The following NR6A1 variants were observed in gnomAD, a reference collection of about 807,000 sequenced individuals.
The protein encoded by NR6A1 is nuclear receptor subfamily 6 group A member 1, also known as retinoic acid receptor-related testis-associated receptor.
In NR6A1, 7 loss-of-function variants were observed where a neutral mutation model predicts 59.1. That is an observed-to-expected ratio of 0.12 (90% CI 0.07 to 0.22). The LOEUF (loss-of-function observed/expected upper bound fraction) is 0.22. NR6A1 is among the 10% of genes least tolerant of loss of function. The pLI is 1.00. For missense variants in NR6A1, 468 were observed against 611.6 expected, an observed-to-expected ratio of 0.77 and a Z score of 2.48; for synonymous variants, 243 against 236.1, an observed-to-expected ratio of 1.03 and a Z score of -0.27.
chr9:124,601,174 G>A (rs778777122), intron 2 of NR6A1, among the ~76,000 whole-genome samples: 1 of 152,138 alleles, frequency 6.6e-6, no homozygotes, highest in African/African-American at 2.4e-5. Flanking sequence ...TACTTGGGAG[G>A]CTGAGGCAGG....
intron 2 of NR6A1, among the ~76,000 whole-genome samples, chr9:124,695,329 ACCTAC>A (rs1467637158): frequency 6.6e-6 from 1 of 152,012 alleles, no homozygotes; most frequent in Non-Finnish European, 1.5e-5. Context: ...AAAAACTAAA[ACCTAC>A]CCAAAGAAAT....
chr9:124,609,927 T>A (rs531364452), intron 2 of NR6A1, among the ~76,000 whole-genome samples: 22 of 152,334 alleles, frequency 1.4e-4, no homozygotes, highest in Admixed American at 1.4e-3. Context: ...TGTTGGTGTA[T>A]AGGAATGCTT....
chr9:124,593,240 A>G lies in NR6A1; in HGVS notation c.143-38670T>C, dbSNP rs77181222. On this transcript the variant is annotated intron_variant, in intron 2 of 9. Transcript: ENST00000487099. ...TTAAATTATCTCAAAATAACACACT[A>G]GGAACATCTGTTTAGCTCAGTTGAA... 6.4e-4 allele frequency among the ~76,000 whole-genome samples: 97 copies of G among 152,320 alleles called. 1 individual carries two copies. In the East Asian group the frequency reaches 0.018, roughly 28 times the overall value.
At chr9:124,639,327 G>A (rs925846525) in intron 2 of NR6A1, among the ~76,000 whole-genome samples, 1 of 152,164 alleles carries the variant, frequency 6.6e-6, no homozygotes, top group Non-Finnish European at 1.5e-5. Flanking sequence ...GGTCACTAAC[G>A]TTTACTGAGC....
chr9:124,562,094 GTCATGTCTTAAATTTGGTGCT>G lies in NR6A1; in HGVS notation c.143-7545_143-7525del, dbSNP rs1834100389. Reference sequence around the variant, plus strand: ...GACAAAGAAACAATTGGCATATAAAGTCATGTCTTAAATTTGGTGCTGGAAAACTCCTCTCCAACTTGGGTT... The same window carrying G: ...GACAAAGAAACAATTGGCATATAAAGGGAAAACTCCTCTCCAACTTGGGTT... On this transcript the variant is annotated intron_variant, in intron 2 of 9. Transcript: ENST00000487099. Among the ~76,000 whole-genome samples the G allele has an allele frequency of 2.0e-5, 3 of 152,296 alleles. 1 individual carries two copies. The South Asian group carries it at 6.2e-4, about 32-fold the overall frequency.
At chr9:124,598,659 A>AC (rs1269887128) in intron 2 of NR6A1, 20 of 394,058 alleles carry the variant, frequency 5.1e-5, no homozygotes, top group African/African-American at 3.2e-4. Flanking sequence ...AAAAAAAAAA[A>AC]AAAAAAAAAA....
intron 7 of NR6A1, among the ~76,000 whole-genome samples, chr9:124,532,204 C>A (rs753055462): frequency 6.6e-6 from 1 of 152,190 alleles, no homozygotes; most frequent in African/African-American, 2.4e-5. Context: ...CACAAAATTG[C>A]TTTTGATTCC....
intron 1 of NR6A1, among the ~76,000 whole-genome samples, chr9:124,764,156 C>A (rs1840860090): frequency 6.6e-6 from 1 of 151,376 alleles, no homozygotes; most frequent in African/African-American, 2.4e-5. Context: ...TGCACTCCAG[C>A]CTGGGCAACA....
At chr9:124,585,398 G>A (rs1353893109) in intron 2 of NR6A1, among the ~76,000 whole-genome samples, 3 of 152,024 alleles carry the variant, frequency 2.0e-5, no homozygotes, top group African/African-American at 7.2e-5. Context: ...AACAAAATTA[G>A]CCAGGTATGG....
intron 1 of NR6A1, among the ~76,000 whole-genome samples, chr9:124,749,044 C>T (rs1840421545): frequency 6.6e-6 from 1 of 152,142 alleles, no homozygotes; most frequent in African/African-American, 2.4e-5. Flanking sequence ...GGGCGGATCA[C>T]CTGAAGTAGG....
At chr9:124,713,260 G>A (rs979027201) in intron 2 of NR6A1, among the ~76,000 whole-genome samples, 1 of 151,156 alleles carries the variant, frequency 6.6e-6, no homozygotes, top group South Asian at 2.1e-4. Context: ...ACTCAAAATC[G>A]ATCAAAGACT....
At chr9:124,544,605 AGAGTGC>A (rs1258983257) in intron 3 of NR6A1, among the ~76,000 whole-genome samples, 1 of 152,232 alleles carries the variant, frequency 6.6e-6, no homozygotes, top group African/African-American at 2.4e-5. Flanking sequence ...AGCCAGGAAA[AGAGTGC>A]TCCAGGTTGA....
At position 124,520,296 on chromosome 9, in the gene NR6A1, AG is replaced by A. The variant is rs1588631313; in HGVS notation, c.*2408del. 2 of 152,368 alleles carry A rather than the reference AG, an allele frequency of 1.3e-5. No individual in the cohort carries two copies. The highest frequency in any genetic ancestry group is 3.9e-4 in the East Asian group (2 of 5,194). 9.4% of individuals were successfully genotyped at this position (152,368 alleles called of 1,614,324 possible). ...GCAGAAGACATTAAAGACGGTCCAC[AG>A]GTCAGGCTCCGGCTCGGAACACACA... On this transcript the variant is annotated 3_prime_UTR_variant, in exon 10 of 10. Transcript: ENST00000487099.
intron 2 of NR6A1, among the ~76,000 whole-genome samples, chr9:124,696,271 A>G (rs1838757648): frequency 6.6e-6 from 1 of 152,170 alleles, no homozygotes; most frequent in Non-Finnish European, 1.5e-5. Context: ...GGGGAAGAAA[A>G]GAGAAAAAAG....
intron 2 of NR6A1, among the ~76,000 whole-genome samples, chr9:124,674,627 A>G (rs1164995456): frequency 6.6e-6 from 1 of 152,198 alleles, no homozygotes; most frequent in Non-Finnish European, 1.5e-5. Context: ...AGAGGTACAC[A>G]TGCTTTGAGG....
chr9:124,624,779 C>T (rs1406124012), intron 2 of NR6A1, among the ~76,000 whole-genome samples: 1 of 152,210 alleles, frequency 6.6e-6, no homozygotes, highest in Non-Finnish European at 1.5e-5. Context: ...CTGGGTTTTG[C>T]TCCAGATCTG....
At chr9:124,583,381 T>A (rs1281762100) in intron 2 of NR6A1, among the ~76,000 whole-genome samples, 4 of 152,174 alleles carry the variant, frequency 2.6e-5, no homozygotes, top group South Asian at 4.1e-4. Flanking sequence ...GTAACAAGGT[T>A]AAGTAAGGCT....
chr9:124,706,575 A>G (rs1412104072), intron 2 of NR6A1, among the ~76,000 whole-genome samples: 2 of 151,654 alleles, frequency 1.3e-5, no homozygotes, highest in Non-Finnish European at 2.9e-5. Context: ...GCAGTGGCGC[A>G]ATCTTGGCTC....
intron 8 of NR6A1, among the ~76,000 whole-genome samples, chr9:124,526,440 C>A (rs1423387635): frequency 6.6e-6 from 1 of 152,040 alleles, no homozygotes; most frequent in Non-Finnish European, 1.5e-5. Flanking sequence ...AAACTTGGTA[C>A]ATATTTAAAA....
Sources: gnomAD v4.1 joint callset for allele counts (sites outside exome capture counted in the v4.1 genomes callset) on GRCh38, gnomAD v4.1.1 for gene constraint, MANE v1.5 for transcripts, NCBI Gene and HGNC (gene_info 2026-07-23, HGNC 2026-07-21) for gene names.